KCNE1: variants seen among roughly 807,000 people sequenced by gnomAD.
KCNE1 encodes potassium voltage-gated channel subfamily E member 1.
Under a neutral mutation model 2.9 loss-of-function variants are expected in KCNE1, and 1 was observed. The ratio of observed to expected loss-of-function variants is 0.34; its 90% CI spans 0.12 to 1.62. The LOEUF is 1.62. Ranked by LOEUF, KCNE1 falls within the 40% of genes most tolerant of loss-of-function variation. KCNE1 has a pLI of 0.36. For synonymous variants in KCNE1, 23 were observed against 65.4 expected, an observed-to-expected ratio of 0.35 and a Z score of 3.13; for missense variants, 45 against 150.5, an observed-to-expected ratio of 0.30 and a Z score of 3.67.
At chr21:34,495,801 A>G (rs1392531169) in intron 2 of KCNE1, among the ~76,000 whole-genome samples, 1 of 151,936 alleles carries the variant, frequency 6.6e-6, no homozygotes, top group African/African-American at 2.4e-5. Context: ...ATGGTCTATC[A>G]ATTTTGTTTA....
intron 2 of KCNE1, among the ~76,000 whole-genome samples, chr21:34,502,804 C>A (rs554491805): frequency 6.6e-5 from 10 of 152,368 alleles, no homozygotes; most frequent in Admixed American, 5.9e-4. Flanking sequence ...GACACATGAT[C>A]AGAGGTCACA....
At chr21:34,497,532 G>A (rs936501823) in intron 2 of KCNE1, among the ~76,000 whole-genome samples, 1 of 152,130 alleles carries the variant, frequency 6.6e-6, no homozygotes, top group Non-Finnish European at 1.5e-5. Context: ...TGCTTATAGG[G>A]TTTCTGCTGA....
At position 34,503,055 on chromosome 21, in the gene KCNE1, T is replaced by C. The variant is rs144421769; in HGVS notation, c.-162+8046A>G. Among the ~76,000 whole-genome samples the C allele has an allele frequency of 5.4e-3, 827 of 152,332 alleles. 8 individuals are homozygous for C. Among genetic ancestry groups the C allele is most frequent in the South Asian group, 0.029 (140 of 4,828 alleles). On this transcript the variant is annotated intron_variant, in intron 2 of 3. Coordinates refer to ENST00000399286, the MANE Select transcript of KCNE1 (RefSeq NM_000219.6). ...CTGCAATTCAATTCAATTCTGATGC[T>C]AACTACCCAAAGATGTCATCAAATC...
chr21:34,504,934 G>A (rs1983392559), intron 2 of KCNE1, among the ~76,000 whole-genome samples: 1 of 152,178 alleles, frequency 6.6e-6, no homozygotes. Context: ...GGAGGTGACA[G>A]CTAAAGGGTT....
intron 2 of KCNE1, among the ~76,000 whole-genome samples, chr21:34,501,232 A>G (rs41314829): frequency 2.2e-4 from 34 of 152,362 alleles, no homozygotes; most frequent in Middle Eastern, 3.4e-3. Context: ...ATTTTACAGC[A>G]GAGAGTAGGA....
chr21:34,501,418 G>T (rs575944713), intron 2 of KCNE1, among the ~76,000 whole-genome samples: 7 of 152,166 alleles, frequency 4.6e-5, no homozygotes, highest in African/African-American at 9.7e-5. Flanking sequence ...ATGGAGATGG[G>T]GTTTCAAGCA....
intron 2 of KCNE1, chr21:34,510,404 C>T (rs1568867772): frequency 1.3e-5 from 2 of 152,504 alleles, no homozygotes; most frequent in East Asian, 3.9e-4. Context: ...CCATTCTCCC[C>T]TCCTTCCTCC....
At chr21:34,504,649 C>A (rs575462428) in intron 2 of KCNE1, among the ~76,000 whole-genome samples, 4 of 152,260 alleles carry the variant, frequency 2.6e-5, no homozygotes, top group Admixed American at 2.6e-4. Flanking sequence ...TAGCCAAAAC[C>A]CAAATGTTCA....
intron 2 of KCNE1, among the ~76,000 whole-genome samples, chr21:34,497,374 T>A (rs967857461): frequency 6.6e-6 from 1 of 152,242 alleles, no homozygotes; most frequent in East Asian, 1.9e-4. Context: ...GGTGCTGGCT[T>A]GGGAGTGGCA....
chr21:34,510,279 A>T (rs1183118466), intron 2 of KCNE1: 2 of 152,468 alleles, frequency 1.3e-5, no homozygotes, highest in African/African-American at 4.8e-5. Context: ...GAGCCCAGGG[A>T]ACGCTTTGCT....
intron 2 of KCNE1, among the ~76,000 whole-genome samples, chr21:34,497,381 G>A (rs146158034): frequency 2.2e-4 from 33 of 152,198 alleles, no homozygotes; most frequent in African/African-American, 7.2e-4. Flanking sequence ...GCTTGGGAGT[G>A]GCAAATTATC....
chr21:34,502,084 C>T (rs1399132917), intron 2 of KCNE1, among the ~76,000 whole-genome samples: 3 of 152,194 alleles, frequency 2.0e-5, no homozygotes, highest in Non-Finnish European at 2.9e-5. Flanking sequence ...CATGCTTTTG[C>T]TGTTGTGCCA....
chr21:34,499,245 C>T (rs981619146), intron 2 of KCNE1, among the ~76,000 whole-genome samples: 14 of 152,344 alleles, frequency 9.2e-5, no homozygotes, highest in African/African-American at 3.4e-4. Flanking sequence ...CTGTATCCCA[C>T]TAACAGCACC....
At chr21:34,498,598 G>A (rs188933005) in intron 2 of KCNE1, among the ~76,000 whole-genome samples, 11 of 152,350 alleles carry the variant, frequency 7.2e-5, no homozygotes, top group African/African-American at 2.6e-4. Flanking sequence ...TGCTCTCGTG[G>A]AGGTGGCCAG....
intron 2 of KCNE1, among the ~76,000 whole-genome samples, chr21:34,503,151 G>A (rs1983268234): frequency 6.6e-6 from 1 of 152,202 alleles, no homozygotes; most frequent in Admixed American, 6.5e-5. Context: ...CCTAGGATGT[G>A]ACCTGTGCCT....
intron 2 of KCNE1, among the ~76,000 whole-genome samples, chr21:34,507,531 G>C (rs766609083): frequency 8.5e-5 from 13 of 152,190 alleles, no homozygotes; most frequent in Admixed American, 1.3e-4. Flanking sequence ...AATGACAACA[G>C]AAATAACCAC....
intron 2 of KCNE1, among the ~76,000 whole-genome samples, chr21:34,506,948 G>T (rs1362684814): frequency 1.3e-5 from 2 of 152,198 alleles, no homozygotes; most frequent in Non-Finnish European, 2.9e-5. Context: ...AGCATCGAAG[G>T]TGAAGGCACA....
rs910955227 is a variant in KCNE1, at chr21:34,497,946, G to A, written c.-162+13155C>T. Among the ~76,000 whole-genome samples, 8 of 151,918 alleles carry A rather than the reference G, an allele frequency of 5.3e-5. No homozygotes were observed. In the East Asian group the frequency reaches 1.5e-3, roughly 29 times the overall value. Reference sequence around the variant, plus strand: ...AAAAGTCTTGCCTTCGAGCTCTGAAGTTCTTTCGTCTGCTTGTTCTAATCT... The same window carrying A: ...AAAAGTCTTGCCTTCGAGCTCTGAAATTCTTTCGTCTGCTTGTTCTAATCT... On this transcript the variant is annotated intron_variant, in intron 2 of 3. Transcript: ENST00000399286.
In KCNE1 at chr21:34,511,209, A is replaced by G; in HGVS notation, c.-270T>C. The G allele has an allele frequency of 1.0e-6, 1 of 985,788 alleles. No individual in the cohort carries two copies. Among genetic ancestry groups the G allele is most frequent in the Non-Finnish European group, 1.2e-6 (1 of 830,220 alleles). The allele number at this position is 985,788 out of a possible 1,614,324, so 61.1% of individuals were successfully genotyped here. On this transcript the variant is annotated 5_prime_UTR_variant, in exon 2 of 4. The change abolishes the stop of an existing upstream ORF in the 5' untranslated region. Transcript: ENST00000399286. ...GGAACTTCTCAGAACTTTTTGAGTTATCCTTCTGGTCTCTTCCTCCTGAGC... is the reference window on the plus strand; with the variant it reads ...GGAACTTCTCAGAACTTTTTGAGTTGTCCTTCTGGTCTCTTCCTCCTGAGC...
Sources: gnomAD v4.1 joint callset for allele counts (sites outside exome capture counted in the v4.1 genomes callset) on GRCh38, gnomAD v4.1.1 for gene constraint, MANE v1.5 for transcripts, NCBI Gene and HGNC (gene_info 2026-07-23, HGNC 2026-07-21) for gene names.